The following ANKRD36 variants were observed in gnomAD, a reference collection of about 807,000 sequenced individuals.
ANKRD36 encodes ankyrin repeat domain-containing protein 36A.
ANKRD36 carries 179 observed loss-of-function variants against 278.1 expected under a neutral mutation model. The observed-to-expected ratio is 0.64, with a 90% CI of 0.57 to 0.73. The LOEUF is 0.73. Ranked by LOEUF, ANKRD36 falls within the 30% of genes least tolerant of loss-of-function variation. The pLI, the probability that ANKRD36 is intolerant of heterozygous loss-of-function variation, is 0.00. For missense variants in ANKRD36, 1,159 were observed against 1,956.7 expected (o/e 0.59, Z 7.69); for synonymous variants, 320 against 641.1 (o/e 0.50, Z 7.57).
At chr2:97,148,197 T>C (rs2044821303) in intron 11 of ANKRD36, among the ~76,000 whole-genome samples, 1 of 152,288 alleles carries the variant, frequency 6.6e-6, no homozygotes, top group Non-Finnish European at 1.5e-5. Context: ...ACATGTAGGG[T>C]GGGACAAATG....
chr2:97,144,844 TAA>T, intron 10 of ANKRD36, 132 bp downstream of exon 10: 1 of 1,285,582 alleles, frequency 7.8e-7, no homozygotes, highest in Non-Finnish European at 1.1e-6. Context: ...GCATTTGTAA[TAA>T]GTTCTGGAGT....
chr2:97,231,635 C>T (rs2072147516), intron 67 of ANKRD36, among the ~76,000 whole-genome samples: 1 of 152,118 alleles, frequency 6.6e-6, no homozygotes, highest in African/African-American at 2.4e-5. Context: ...CGGTGCACTG[C>T]ACCCACTGTC....
In ANKRD36 at chr2:97,207,935, C is replaced by T; in HGVS notation, c.3194C>T (p.Ala1065Val). 6.5e-7 allele frequency: 1 copy of T among 1,530,016 alleles called. No individual in the cohort carries two copies. Among genetic ancestry groups the T allele is most frequent in the South Asian group, 1.2e-5 (1 of 83,248 alleles). 94.8% of individuals were successfully genotyped at this position (1,530,016 alleles called of 1,614,324 possible). A position where few individuals can be genotyped will look rare whatever the true frequency, so the allele number is the denominator to read the frequency against. Residue 1065 changes from alanine to valine, a missense_variant and splice_region_variant, in exon 54 of 76, where the codon GCT becomes GTT. Physicochemically the swap from Ala to Val is moderately conservative, Grantham distance 64 (BLOSUM62 0). Transcript: ENST00000420699. ...VSSEKPSGLK[A>V]TSAEKDSVLN... ...TATTTCATTTGAAATTCCATTCAGG[C>T]TACAAGTGCCGAGAAAGATTCTGTT... is the stretch of plus-strand genomic sequence containing the variant.
At chr2:97,194,650 G>GCT (rs2059277940) in intron 38 of ANKRD36, 76 bp from the exon 39 acceptor site, 1 of 1,584,954 alleles carries the variant, frequency 6.3e-7, no homozygotes, top group Non-Finnish European at 8.5e-7. Context: ...AGAGGTTGAT[G>GCT]CTAACACTGT....
In ANKRD36 at chr2:97,179,935, T is replaced by G. The variant is rs541251330; in HGVS notation, c.1735+2T>G. 3.7e-6 allele frequency: 6 copies of G among 1,604,858 alleles called. No homozygotes were observed. Among genetic ancestry groups the G allele is most frequent in the Non-Finnish European group, 4.2e-6 (5 of 1,178,134 alleles). On this transcript the variant is annotated splice_donor_variant, in intron 24 of 75. Coordinates refer to ENST00000420699, the MANE Select transcript of ANKRD36 (RefSeq NM_001354587.1). LOFTEE classifies it high-confidence loss of function. The stretch of plus-strand genomic sequence containing the variant: ...AGGAGGGACCAATATCTGGGACAGG[T>G]AATTTTGCAAAACACATCTAATGTC...
At chr2:97,205,870 T>G in intron 50 of ANKRD36, 70 bp from the exon 51 acceptor site, 3 of 1,487,180 alleles carry the variant, frequency 2.0e-6, no homozygotes, top group South Asian at 2.4e-5. Context: ...TGATGCTAAC[T>G]CTGCTTGAAT....
intron 3 of ANKRD36, among the ~76,000 whole-genome samples, chr2:97,122,374 A>G (rs1161301838): frequency 6.6e-6 from 1 of 150,488 alleles, no homozygotes; most frequent in African/African-American, 2.4e-5. Flanking sequence ...GTGATCATGG[A>G]GTCTCTCTTT....
At chr2:97,196,467 T>A in intron 40 of ANKRD36, 126 bp from the exon 41 acceptor site, 1 of 1,523,006 alleles carries the variant, frequency 6.6e-7, no homozygotes, top group South Asian at 1.2e-5. Context: ...AGACACAAAG[T>A]AGAAGCCATC....
chr2:97,160,828 A>T (rs988231686), intron 17 of ANKRD36, among the ~76,000 whole-genome samples: 4 of 152,070 alleles, frequency 2.6e-5, no homozygotes, highest in African/African-American at 9.7e-5. Flanking sequence ...ATGATTTTTT[A>T]AAAATGAGCT....
intron 1 of ANKRD36, 43 bp downstream of exon 1, chr2:97,113,979 G>A: frequency 2.0e-6 from 3 of 1,497,724 alleles, no homozygotes; most frequent in Non-Finnish European, 2.7e-6. Flanking sequence ...GAGGCCTGTG[G>A]ATGTGGAGAA....
chr2:97,178,222 T>C lies in ANKRD36; in HGVS notation c.1634-1516T>C, dbSNP rs2054922675. ...TGGAGAAATAGGAACACTTTTACAC[T>C]GTTGGTGGGACTGTAAACTAGTTCA... On this transcript the variant is annotated intron_variant, in intron 22 of 75. Coordinates refer to ENST00000420699, the MANE Select transcript of ANKRD36 (RefSeq NM_001354587.1). Among the ~76,000 whole-genome samples the C allele has an allele frequency of 2.0e-5, 3 of 151,812 alleles. No homozygotes were observed. In the South Asian group the frequency reaches 6.3e-4, roughly 32 times the overall value.
At chr2:97,135,523 A>C (rs1161808234) in intron 6 of ANKRD36, among the ~76,000 whole-genome samples, 19 of 151,012 alleles carry the variant, frequency 1.3e-4, no homozygotes, top group Admixed American at 3.3e-4. Flanking sequence ...TAAAATGGCT[A>C]TGTGATAAGT....
chr2:97,136,319 T>C (rs937955372), intron 6 of ANKRD36, among the ~76,000 whole-genome samples: 1 of 150,954 alleles, frequency 6.6e-6, no homozygotes, highest in Non-Finnish European at 1.5e-5. Flanking sequence ...CATGTTACTT[T>C]CCCCCCGTAT....
chr2:97,173,202 G>T (rs2053144464), intron 22 of ANKRD36, among the ~76,000 whole-genome samples: 1 of 151,636 alleles, frequency 6.6e-6, no homozygotes, highest in Non-Finnish European at 1.5e-5. Flanking sequence ...GTGGTGTTAT[G>T]GGTAGTTAAA....
Position 97,211,754 on chromosome 2 carries a change from A to G in ANKRD36, c.3469+13A>G, listed in dbSNP as rs1294378608. 12 of 1,568,396 alleles carry G rather than the reference A, an allele frequency of 7.7e-6. No homozygotes were observed. Among genetic ancestry groups the G allele is most frequent in the Non-Finnish European group, 8.6e-6 (10 of 1,156,806 alleles). On this transcript the variant is annotated intron_variant, in intron 58 of 75. Transcript: ENST00000420699. ...ATATCTGGGACAGGTAATTTTGCAA[A>G]CACATTTAATATGATGTTCGGTCAG...
At position 97,171,595 on chromosome 2, in the gene ANKRD36, A is replaced by G. The variant is rs1169733052; in HGVS notation, c.1633+3828A>G. ...AGGGATAGCATTGGGAGATATACCT[A>G]ATGCTAGATGACGAGTTAGTGGGTG... On this transcript the variant is annotated intron_variant, in intron 22 of 75. Coordinates refer to ENST00000420699, the MANE Select transcript of ANKRD36 (RefSeq NM_001354587.1). Among the ~76,000 whole-genome samples the G allele has an allele frequency of 7.2e-5, 10 of 139,250 alleles. No individual in the cohort carries two copies. In the East Asian group the frequency reaches 1.1e-3, roughly 15 times the overall value. The allele number at this position is 139,250 out of a possible 152,430, so 91.4% of individuals were successfully genotyped here. A position where few individuals can be genotyped will look rare whatever the true frequency, so the allele number is the denominator to read the frequency against.
In ANKRD36 at chr2:97,118,488, C is replaced by T. The variant is rs573506120; in HGVS notation, c.457C>T (p.His153Tyr). The change falls in exon 3 of 76, where the codon CAT (histidine) becomes TAT (tyrosine). Residue 153 changes from histidine (H) to tyrosine (Y), a missense_variant. Physicochemically the swap from His to Tyr is moderately conservative, Grantham distance 83. Coordinates refer to ENST00000420699, the MANE Select transcript of ANKRD36 (RefSeq NM_001354587.1). ...ATCCATGATAGAAAAACTTCTTTCA[C>T]ATGGTACAAATATTGAAGAATGCAG... ...DTSMIEKLLS[H>Y]GTNIEECSKC... is the part of the protein sequence containing the mutation. 8.1e-5 allele frequency: 130 copies of T among 1,598,028 alleles called. No homozygotes were observed. The highest frequency in any genetic ancestry group is 1.2e-4 in the African/African-American group (9 of 74,260).
chr2:97,182,944 C>G (rs931262904), intron 26 of ANKRD36, among the ~76,000 whole-genome samples: 12 of 151,640 alleles, frequency 7.9e-5, no homozygotes, highest in Admixed American at 2.0e-4. Flanking sequence ...GGCTGGGCCA[C>G]TTCCACCGAG....
At chr2:97,162,804 T>A (rs2049324958) in intron 18 of ANKRD36, among the ~76,000 whole-genome samples, 1 of 146,996 alleles carries the variant, frequency 6.8e-6, no homozygotes, top group African/African-American at 2.5e-5. Context: ...ATTGGCAGTT[T>A]TCTTTAAAAA....
Sources: allele counts gnomAD v4.1 joint callset (sites outside exome capture counted in the v4.1 genomes callset), GRCh38; gene constraint gnomAD v4.1.1; transcripts MANE v1.5; gene names NCBI Gene and HGNC (gene_info 2026-07-23, HGNC 2026-07-21).